SPATS2L: variants seen among roughly 807,000 people sequenced by gnomAD.
The protein encoded by SPATS2L is SPATS2-like protein.
In SPATS2L, 30 loss-of-function variants were observed where a neutral mutation model predicts 59.6. The ratio of observed to expected loss-of-function variants is 0.50; its 90% CI spans 0.38 to 0.68. The LOEUF is 0.68. Among genes scored for constraint, SPATS2L ranks in the 30% least tolerant of loss-of-function variants. The pLI is 0.00. For missense variants in SPATS2L, 615 were observed against 700.0 expected, an observed-to-expected ratio of 0.88 and a Z score of 1.37; for synonymous variants, 252 against 263.5, an observed-to-expected ratio of 0.96 and a Z score of 0.42.
chr2:200,425,653 T>C (rs1202989497), intron 6 of SPATS2L, among the ~76,000 whole-genome samples: 4 of 152,340 alleles, frequency 2.6e-5, no homozygotes, highest in Non-Finnish European at 4.4e-5. Context: ...AACCCTCTTA[T>C]CATTCATTTA....
intron 2 of SPATS2L, among the ~76,000 whole-genome samples, chr2:200,369,071 A>G (rs2081345956): frequency 1.3e-5 from 1 of 77,454 alleles, no homozygotes; most frequent in Non-Finnish European, 2.4e-5. Flanking sequence ...TAGAGATTTG[A>G]TAGTTCTAAA....
chr2:200,429,801 G>A (rs1574497327), intron 6 of SPATS2L, among the ~76,000 whole-genome samples: 1 of 152,128 alleles, frequency 6.6e-6, no homozygotes, highest in Non-Finnish European at 1.5e-5. Context: ...TCCAGCTCCA[G>A]TATCACAAAG....
intron 8 of SPATS2L, among the ~76,000 whole-genome samples, chr2:200,456,644 C>G (rs1339366596): frequency 2.6e-5 from 4 of 152,148 alleles, no homozygotes; most frequent in Non-Finnish European, 5.9e-5. Context: ...TTAGCAAAGG[C>G]CCTTGCACAC....
At chr2:200,452,057 C>T (rs1231986133) in intron 8 of SPATS2L, among the ~76,000 whole-genome samples, 1 of 152,130 alleles carries the variant, frequency 6.6e-6, no homozygotes, top group African/African-American at 2.4e-5. Context: ...CTCGCCCTCC[C>T]AAAGTGCTGG....
intron 2 of SPATS2L, among the ~76,000 whole-genome samples, chr2:200,341,864 G>A (rs941217828): frequency 6.6e-6 from 1 of 151,504 alleles, no homozygotes; most frequent in Non-Finnish European, 1.5e-5. Flanking sequence ...TATTTTTTTT[G>A]TATTTTTAGT....
chr2:200,479,171 G>A lies in SPATS2L; in HGVS notation c.*1140G>A, dbSNP rs180703035. ...ACCTGCTTTGGCCTCCGAAACTGCC[G>A]GAATTACAGGCATGAGCCACCGTAC... On this transcript the variant is annotated 3_prime_UTR_variant, in exon 13 of 13. Coordinates refer to ENST00000409140, the MANE Select transcript of SPATS2L (RefSeq NM_001100423.2). The A allele has an allele frequency of 1.4e-3, 232 of 164,694 alleles. 2 individuals carry two copies. The highest frequency in any genetic ancestry group is 2.5e-3 in the Non-Finnish European group (192 of 76,502). The allele number at this position is 164,694 out of a possible 1,614,324, so 10.2% of individuals were successfully genotyped here. A position where few individuals can be genotyped will look rare whatever the true frequency, so the allele number is the denominator to read the frequency against.
At chr2:200,437,811 G>C (rs1017198219) in intron 6 of SPATS2L, among the ~76,000 whole-genome samples, 11 of 152,252 alleles carry the variant, frequency 7.2e-5, no homozygotes, top group African/African-American at 2.6e-4. Context: ...AAATCAAATT[G>C]ACTAGGACCT....
At chr2:200,427,800 C>T (rs2083665697) in intron 6 of SPATS2L, among the ~76,000 whole-genome samples, 1 of 152,072 alleles carries the variant, frequency 6.6e-6, no homozygotes, top group Non-Finnish European at 1.5e-5. Context: ...TTGTTTATTA[C>T]CCTGTCATGT....
At chr2:200,426,269 T>G (rs2083575336) in intron 6 of SPATS2L, among the ~76,000 whole-genome samples, 1 of 151,952 alleles carries the variant, frequency 6.6e-6, no homozygotes, top group South Asian at 2.1e-4. Flanking sequence ...ATTTTGTGCT[T>G]TGAGTAGAGA....
intron 3 of SPATS2L, among the ~76,000 whole-genome samples, chr2:200,392,549 GTTTGA>G (rs1360157042): frequency 1.3e-5 from 2 of 152,238 alleles, no homozygotes; most frequent in African/African-American, 2.4e-5. Context: ...ATTTATGGTG[GTTTGA>G]TTTAAGATTT....
chr2:200,474,009 T>C (rs1245500518), intron 12 of SPATS2L, among the ~76,000 whole-genome samples: 1 of 151,014 alleles, frequency 6.6e-6, no homozygotes, highest in Non-Finnish European at 1.5e-5. Flanking sequence ...CAAAAAAAAA[T>C]AAAAATAAAA....
chr2:200,384,007 C>T (rs1038837093), intron 2 of SPATS2L: 36 of 1,001,812 alleles, frequency 3.6e-5, no homozygotes, highest in East Asian at 3.4e-4. Context: ...AGTCAGAAAG[C>T]GATTTGATAG....
At chr2:200,477,246 T>C (rs986897801) in intron 12 of SPATS2L, among the ~76,000 whole-genome samples, 5 of 152,180 alleles carry the variant, frequency 3.3e-5, no homozygotes, top group African/African-American at 1.2e-4. Context: ...CTCCTGTCCC[T>C]CTCAGTCTCT....
intron 8 of SPATS2L, among the ~76,000 whole-genome samples, chr2:200,442,971 A>G (rs1383623864): frequency 6.6e-6 from 1 of 152,236 alleles, no homozygotes; most frequent in East Asian, 1.9e-4. Flanking sequence ...TCTGCAAACC[A>G]AAGAAGACAT....
At chr2:200,367,380 A>G (rs1379135076) in intron 2 of SPATS2L, among the ~76,000 whole-genome samples, 9 of 152,182 alleles carry the variant, frequency 5.9e-5, no homozygotes, top group Non-Finnish European at 1.3e-4. Flanking sequence ...TGGACAGAAC[A>G]CAGTCTTCTA....
chr2:200,328,578 G>A (rs193096420), intron 1 of SPATS2L, among the ~76,000 whole-genome samples: 103 of 152,230 alleles, frequency 6.8e-4, no homozygotes, highest in African/African-American at 2.2e-3. Flanking sequence ...CTGAGGCCCC[G>A]TCCCCTTCTT....
rs537521597 is a variant in SPATS2L, at chr2:200,410,013, T to A, written c.40-2298T>A. 4.6e-5 allele frequency among the ~76,000 whole-genome samples: 7 copies of A among 152,312 alleles called. No individual in the cohort carries two copies. The East Asian group carries it at 1.2e-3, about 25-fold the overall frequency. ...AGGCAGAGAAAGCCATTATTTTATG[T>A]TTATTCCATAATTCTGGGTCTTTGC... On this transcript the variant is annotated intron_variant, in intron 3 of 12. Coordinates refer to ENST00000409140, the MANE Select transcript of SPATS2L (RefSeq NM_001100423.2).
At chr2:200,384,645 C>T (rs2081934706) in intron 2 of SPATS2L, among the ~76,000 whole-genome samples, 1 of 152,172 alleles carries the variant, frequency 6.6e-6, no homozygotes, top group South Asian at 2.1e-4. Flanking sequence ...AGCCACCGCG[C>T]CCAGCTGTGG....
At chr2:200,353,885 A>G (rs1048899839) in intron 2 of SPATS2L, among the ~76,000 whole-genome samples, 1 of 152,208 alleles carries the variant, frequency 6.6e-6, no homozygotes, top group Non-Finnish European at 1.5e-5. Context: ...AGAACATTCC[A>G]TAAATAGCAA....
Sources: gnomAD v4.1 joint callset for allele counts (sites outside exome capture counted in the v4.1 genomes callset) on GRCh38, gnomAD v4.1.1 for gene constraint, MANE v1.5 for transcripts, NCBI Gene and HGNC (gene_info 2026-07-23, HGNC 2026-07-21) for gene names.